Variants in AGXT2 observed in about 807,000 individuals in gnomAD.
AGXT2 encodes the protein alanine--glyoxylate aminotransferase 2.
AGXT2 carries 61 observed loss-of-function variants against 62.5 expected under a neutral mutation model. That is an observed-to-expected ratio of 0.98 (90% CI 0.79 to 1.21). AGXT2 has a LOEUF of 1.21. Ranked by LOEUF, AGXT2 falls within the 50% of genes most tolerant of loss-of-function variation. AGXT2 has a pLI of 0.00. For missense variants in AGXT2, 666 were observed against 641.5 expected (o/e 1.04, Z -0.41); for synonymous variants, 243 against 218.7 (o/e 1.11, Z -0.98).
chr5:35,041,000 T>C (rs1026907201), intron 1 of AGXT2, among the ~76,000 whole-genome samples: 2 of 151,982 alleles, frequency 1.3e-5, no homozygotes, highest in African/African-American at 4.8e-5. Context: ...AATGCGTTGT[T>C]GGAGTCCATC....
chr5:35,033,461 G>T lies in AGXT2; in HGVS notation c.674C>A (p.Pro225Gln). The part of the protein sequence containing the change: ...MELPGGTGCQ[P>Q]TMCPDVFRGP... Reference sequence around the variant, plus strand: ...CAAGAGAAAAATCTCCAAACTCACTGGTTGGCAACCTGTCCCACCAGGGAG... The same window carrying T: ...CAAGAGAAAAATCTCCAAACTCACTTGTTGGCAACCTGTCCCACCAGGGAG... The change falls in exon 6 of 14, where the codon CCA becomes CAA. Residue 225 changes from proline (P) to glutamine (Q), a missense_variant and splice_region_variant. Transcript: ENST00000231420. 1 of 1,610,104 alleles carries T rather than the reference G, an allele frequency of 6.2e-7. No individual in the cohort carries two copies. Among genetic ancestry groups the T allele is most frequent in the Non-Finnish European group, 8.5e-7 (1 of 1,176,368 alleles).
rs1252635226 is a variant in AGXT2, at chr5:35,009,984, G to A, written c.1338+16C>T. On this transcript the variant is annotated intron_variant, in intron 12 of 13. Coordinates refer to ENST00000231420, the MANE Select transcript of AGXT2 (RefSeq NM_031900.4). ...GGCTCCAAGCAGCTGAGAGAGAGGGGCAGATTAGCACCTACCTTATCCTGC... is the reference window on the plus strand; with the variant it reads ...GGCTCCAAGCAGCTGAGAGAGAGGGACAGATTAGCACCTACCTTATCCTGC... The A allele has an allele frequency of 5.0e-6, 8 of 1,614,120 alleles. No individual in the cohort carries two copies. Among genetic ancestry groups the A allele is most frequent in the Non-Finnish European group, 6.8e-6 (8 of 1,180,042 alleles).
At chr5:35,014,240 T>C in intron 9 of AGXT2, 121 bp from the exon 10 acceptor site, 2 of 1,357,160 alleles carry the variant, frequency 1.5e-6, no homozygotes, top group Non-Finnish European at 2.1e-6. Flanking sequence ...GATCATGAGG[T>C]CAGGAGTTCA....
At chr5:35,019,464 C>G (rs1287280499) in intron 9 of AGXT2, among the ~76,000 whole-genome samples, 1 of 151,494 alleles carries the variant, frequency 6.6e-6, no homozygotes, top group African/African-American at 2.4e-5. Flanking sequence ...CAACCTGCTC[C>G]TGAATGACTA....
chr5:34,998,614 T>C lies in AGXT2; in HGVS notation c.*105A>G. ...GACTTTTACAGCTCCTGTGGAGAGC[T>C]GCAGGCTTTCTCTGGATACCAGTGG... is the stretch of plus-strand genomic sequence containing the variant. On this transcript the variant is annotated 3_prime_UTR_variant, in exon 14 of 14. Transcript: ENST00000231420. 1 of 894,752 alleles carries C rather than the reference T, an allele frequency of 1.1e-6. No individual in the cohort carries two copies. Among genetic ancestry groups the C allele is most frequent in the South Asian group, 1.4e-5 (1 of 71,264 alleles). 55.4% of individuals were successfully genotyped at this position (894,752 alleles called of 1,614,324 possible).
At chr5:35,039,217 G>T in intron 3 of AGXT2, 107 bp downstream of exon 3, 1 of 1,306,224 alleles carries the variant, frequency 7.7e-7, no homozygotes, top group Non-Finnish European at 1.1e-6. Context: ...ATCTGTCATA[G>T]ATATTTTTAA....
intron 12 of AGXT2, among the ~76,000 whole-genome samples, chr5:35,007,934 C>T (rs1409717256): frequency 6.6e-6 from 1 of 151,978 alleles, no homozygotes; most frequent in Admixed American, 6.6e-5. Context: ...TGGCACCTAC[C>T]AACCCCTAAT....
In AGXT2 at chr5:35,010,144, A is replaced by T. The variant is rs756667430; in HGVS notation, c.1194T>A (p.Ile398=). 1 of 1,614,164 alleles carries T rather than the reference A, an allele frequency of 6.2e-7. No homozygotes were observed. The part of the protein sequence containing the change: ...CAIGSAVLEV[I]KEENLQENSQ... ...TGTTTTCCTGTAGATTTTCTTCTTT[A>T]ATCACCTGTTAAGAGAAAGCCCCAA... The change falls in exon 12 of 14, where the codon ATT becomes ATA. Residue 398 remains isoleucine, a synonymous_variant. Transcript: ENST00000231420.
At chr5:35,024,797 CA>C (rs1767259937) in intron 9 of AGXT2, among the ~76,000 whole-genome samples, 1 of 151,748 alleles carries the variant, frequency 6.6e-6, no homozygotes, top group Non-Finnish European at 1.5e-5. Context: ...GGAGAAACCC[CA>C]GTCTCTACTA....
chr5:35,021,967 G>GA (rs1767114125), intron 9 of AGXT2, among the ~76,000 whole-genome samples: 1 of 152,064 alleles, frequency 6.6e-6, no homozygotes, highest in Non-Finnish European at 1.5e-5. Flanking sequence ...ACAAACACAT[G>GA]AAAAAATGCT....
chr5:35,000,710 C>T (rs163911), intron 13 of AGXT2, among the ~76,000 whole-genome samples: 1 of 152,202 alleles, frequency 6.6e-6, no homozygotes, highest in African/African-American at 2.4e-5. Flanking sequence ...CAGTGTTGTG[C>T]AGGTTTCTAT....
intron 1 of AGXT2, among the ~76,000 whole-genome samples, chr5:35,047,497 T>G (rs1048243507): frequency 3.9e-5 from 6 of 152,222 alleles, no homozygotes; most frequent in African/African-American, 1.4e-4. Flanking sequence ...AGTCACACTC[T>G]ATTTTGATTG....
Position 35,012,977 on chromosome 5 carries a change from C to G in AGXT2, c.1165G>C (p.Ala389Pro). Reference sequence around the variant, plus strand: ...ACCTCAAGCACAGCAGATCCAATGGCACAGGCCATGGGGTTCCCTCCAAAG... The same window carrying G: ...ACCTCAAGCACAGCAGATCCAATGGGACAGGCCATGGGGTTCCCTCCAAAG... ...NTFGGNPMAC[A>P]IGSAVLEVIK... is the part of the protein sequence containing the mutation. Residue 389 changes from alanine to proline, a missense_variant, in exon 11 of 14, where the codon GCC becomes CCC. Ala to Pro is a conservative substitution (Grantham distance 27). Transcript: ENST00000231420. 1.3e-6 allele frequency: 2 copies of G among 1,551,718 alleles called. No homozygotes were observed.
At position 35,012,967 on chromosome 5, in the gene AGXT2, G is replaced by T. The variant is rs1478509819; in HGVS notation, c.1175C>A (p.Ser392Tyr). Residue 392 changes from serine (S) to tyrosine (Y), a missense_variant, in exon 11 of 14, where the codon TCT (serine) becomes TAT (tyrosine). Physicochemically the swap from Ser to Tyr is moderately radical, Grantham distance 144. Coordinates refer to ENST00000231420, the MANE Select transcript of AGXT2 (RefSeq NM_031900.4). ...GCTGGAACCAACCTCAAGCACAGCA[G>T]ATCCAATGGCACAGGCCATGGGGTT... ...GGNPMACAIG[S>Y]AVLEVIKEEN... 1.3e-6 allele frequency: 2 copies of T among 1,551,734 alleles called. No homozygotes were observed. The highest frequency in any genetic ancestry group is 4.9e-5 in the East Asian group (2 of 40,912).
In AGXT2 at chr5:35,033,559, G is replaced by A; in HGVS notation, c.582-6C>T. 1 of 1,611,588 alleles carries A rather than the reference G, an allele frequency of 6.2e-7. No homozygotes were observed. The highest frequency in any genetic ancestry group is 8.5e-7 in the Non-Finnish European group (1 of 1,177,770). ...TGCATCCATGGTAGGCTCCTCTGCA[G>A]AGAAGAAACAACAGGAGGATGGGGT... On this transcript the variant is annotated splice_region_variant and splice_polypyrimidine_tract_variant and intron_variant, in intron 5 of 13. Coordinates refer to ENST00000231420, the MANE Select transcript of AGXT2 (RefSeq NM_031900.4).
At chr5:35,040,506 G>T in intron 2 of AGXT2, 69 bp downstream of exon 2, 1 of 1,431,680 alleles carries the variant, frequency 7.0e-7, no homozygotes, top group Non-Finnish European at 9.9e-7. Context: ...TCATTCTTAA[G>T]GAAACAATCA....
intron 11 of AGXT2, 86 bp from the exon 12 acceptor site, chr5:35,010,235 CT>C: frequency 6.6e-7 from 1 of 1,514,792 alleles, no homozygotes. Context: ...TGACATGGCC[CT>C]CTTGTAACTT....
chr5:35,026,548 C>T (rs1286750411), intron 7 of AGXT2, 38 bp from the exon 8 acceptor site: 1 of 1,518,838 alleles, frequency 6.6e-7, no homozygotes, highest in East Asian at 2.3e-5. Flanking sequence ...CAAACCACAG[C>T]ATTTGAAAAT....
chr5:35,001,561 C>G (rs1179594192), intron 13 of AGXT2, among the ~76,000 whole-genome samples: 1 of 152,094 alleles, frequency 6.6e-6, no homozygotes, highest in Non-Finnish European at 1.5e-5. Flanking sequence ...AGTAATAGTA[C>G]TTATTTTATA....
Sources: gnomAD v4.1 joint callset for allele counts (sites outside exome capture counted in the v4.1 genomes callset) on GRCh38, gnomAD v4.1.1 for gene constraint, MANE v1.5 for transcripts, NCBI Gene and HGNC (gene_info 2026-07-23, HGNC 2026-07-21) for gene names.